ZNF521: variants seen among roughly 807,000 people sequenced by gnomAD.
ZNF521 encodes the protein LYST-interacting protein 3.
Under a neutral mutation model 105.5 loss-of-function variants are expected in ZNF521, and 14 were observed. The observed-to-expected ratio is 0.13, with a 90% CI of 0.09 to 0.21. The LOEUF (loss-of-function observed/expected upper bound fraction) is 0.21. ZNF521 is among the 10% of genes least tolerant of loss of function. ZNF521 has a pLI of 1.00. For missense variants in ZNF521, 1,233 were observed against 1,629.7 expected, an observed-to-expected ratio of 0.76 and a Z score of 4.19; for synonymous variants, 635 against 606.0, an observed-to-expected ratio of 1.05 and a Z score of -0.70.
intron 7 of ZNF521, among the ~76,000 whole-genome samples, chr18:25,078,507 C>T (rs149325095): frequency 6.6e-6 from 1 of 152,234 alleles, no homozygotes; most frequent in East Asian, 1.9e-4. Context: ...GCCAATTACA[C>T]GCGAGGCAGA....
At chr18:25,235,120 A>AC in intron 3 of ZNF521, among the ~76,000 whole-genome samples, 1 of 152,202 alleles carries the variant, frequency 6.6e-6, no homozygotes, top group Admixed American at 6.5e-5. Flanking sequence ...AGTGTTGTAA[A>AC]GTCCACACAA....
chr18:25,299,394 AG>A, intron 3 of ZNF521, among the ~76,000 whole-genome samples: 2 of 152,344 alleles, frequency 1.3e-5, no homozygotes, highest in Middle Eastern at 6.8e-3. Context: ...TAAGAAGATA[AG>A]TTAGGAAAAG....
rs149986207 is a variant in ZNF521, at chr18:25,233,451, C to T, written c.221-5754G>A. Among the ~76,000 whole-genome samples the T allele has an allele frequency of 2.0e-3, 300 of 152,068 alleles. 1 individual carries two copies. The highest frequency in any genetic ancestry group is 6.4e-3 in the African/African-American group (267 of 41,502). ...TGGGTGTTCAAATGAGAAATGTGAA[C>T]TTTAAAATTATTTATAATTCACAGA... On this transcript the variant is annotated intron_variant, in intron 3 of 7. Transcript: ENST00000361524.
intron 2 of ZNF521, among the ~76,000 whole-genome samples, chr18:25,342,605 T>C (rs977678588): frequency 6.7e-5 from 10 of 149,114 alleles, no homozygotes; most frequent in Non-Finnish European, 6.0e-5. Context: ...ATTTTTTGTA[T>C]TTTTAGTAGA....
intron 3 of ZNF521, among the ~76,000 whole-genome samples, chr18:25,316,316 A>C (rs1912612138): frequency 6.7e-6 from 1 of 148,266 alleles, no homozygotes; most frequent in African/African-American, 2.5e-5. Flanking sequence ...AAAAGGTAAA[A>C]CGAATTTAAA....
intron 5 of ZNF521, among the ~76,000 whole-genome samples, chr18:25,101,845 C>G (rs2033971051): frequency 6.6e-6 from 1 of 152,062 alleles, no homozygotes; most frequent in African/African-American, 2.4e-5. Flanking sequence ...TTCTGTAGCT[C>G]CAACAGCAAT....
chr18:25,311,032 T>C (rs1009242988), intron 3 of ZNF521, among the ~76,000 whole-genome samples: 3 of 152,130 alleles, frequency 2.0e-5, no homozygotes, highest in Non-Finnish European at 2.9e-5. Context: ...TGTGGAATAA[T>C]CACCTCTAAT....
chr18:25,324,789 G>T (rs2145155213), intron 2 of ZNF521, among the ~76,000 whole-genome samples: 1 of 152,248 alleles, frequency 6.6e-6, no homozygotes, highest in South Asian at 2.1e-4. Context: ...CAAGAATATG[G>T]ACACTTTCCA....
chr18:25,083,753 A>T (rs978900840), intron 7 of ZNF521, among the ~76,000 whole-genome samples: 7 of 78,596 alleles, frequency 8.9e-5, no homozygotes, highest in Admixed American at 6.7e-4. Flanking sequence ...ACATATATAT[A>T]TTTTGTTTGT....
At chr18:25,321,977 A>T (rs1912953483) in intron 3 of ZNF521, 31 bp downstream of exon 3, 2 of 1,601,136 alleles carry the variant, frequency 1.2e-6, no homozygotes, top group East Asian at 4.5e-5. Flanking sequence ...GAACAGTACA[A>T]GAAGACAAAA....
At chr18:25,215,371 A>G (rs1287547434) in intron 4 of ZNF521, among the ~76,000 whole-genome samples, 1 of 152,198 alleles carries the variant, frequency 6.6e-6, no homozygotes, top group Non-Finnish European at 1.5e-5. Context: ...CTACATCTAC[A>G]TCATGTGGTA....
intron 3 of ZNF521, among the ~76,000 whole-genome samples, chr18:25,312,667 C>T (rs1222042198): frequency 9.7e-6 from 1 of 102,932 alleles, no homozygotes. Context: ...AAAAATTAGC[C>T]GGGCGCGGTG....
chr18:25,210,040 T>A lies in ZNF521; in HGVS notation c.3573+14305A>T, dbSNP rs563408350. On this transcript the variant is annotated intron_variant, in intron 4 of 7. Transcript: ENST00000361524. ...CATTAGATGAAATAATTCTACATTA[T>A]AATAACAAATTGAAAAAATTATATA... 2.0e-5 allele frequency among the ~76,000 whole-genome samples: 3 copies of A among 152,288 alleles called. No individual in the cohort carries two copies. The East Asian group carries it at 5.8e-4, about 29-fold the overall frequency.
intron 4 of ZNF521, among the ~76,000 whole-genome samples, chr18:25,216,577 GAT>G (rs1207060868): frequency 1.3e-5 from 2 of 152,070 alleles, no homozygotes; most frequent in African/African-American, 4.8e-5. Context: ...TTTTTTCCTT[GAT>G]ACAGGGTCTC....
At chr18:25,339,399 C>G (rs1425994989) in intron 2 of ZNF521, among the ~76,000 whole-genome samples, 1 of 152,198 alleles carries the variant, frequency 6.6e-6, no homozygotes, top group East Asian at 1.9e-4. Context: ...GCGCTTCCTC[C>G]AGAATCCTTC....
intron 3 of ZNF521, among the ~76,000 whole-genome samples, chr18:25,266,488 T>G (rs1909259921): frequency 6.6e-6 from 1 of 151,830 alleles, no homozygotes; most frequent in South Asian, 2.1e-4. Context: ...AGGTCCGGTC[T>G]GCAGCTCCCA....
chr18:25,233,549 GGAA>G (rs1466755570), intron 3 of ZNF521, among the ~76,000 whole-genome samples: 1 of 152,158 alleles, frequency 6.6e-6, no homozygotes, highest in African/African-American at 2.4e-5. Context: ...TAGGTTATGA[GGAA>G]GAAGGGTGGT....
In ZNF521 at chr18:25,102,759, C is replaced by T. The variant is rs200301103; in HGVS notation, c.3659-10678G>A. Among the ~76,000 whole-genome samples, 89 of 152,124 alleles carry T rather than the reference C, an allele frequency of 5.9e-4. No individual in the cohort carries two copies. The East Asian group carries it at 0.014, about 24-fold the overall frequency. Reference sequence around the variant, plus strand: ...GGCCAGCACCAGAATTCAGGCTTCCCGAATCCAAGATTATACTGTCCCACC... The same window carrying T: ...GGCCAGCACCAGAATTCAGGCTTCCTGAATCCAAGATTATACTGTCCCACC... On this transcript the variant is annotated intron_variant, in intron 5 of 7. Transcript: ENST00000361524.
At chr18:25,290,182 T>C (rs1239811305) in intron 3 of ZNF521, among the ~76,000 whole-genome samples, 7 of 152,232 alleles carry the variant, frequency 4.6e-5, no homozygotes. Flanking sequence ...CTGCGGTTTA[T>C]AAGCATCCAG....
Sources: allele counts gnomAD v4.1 joint callset (sites outside exome capture counted in the v4.1 genomes callset), GRCh38; gene constraint gnomAD v4.1.1; transcripts MANE v1.5; gene names NCBI Gene and HGNC (gene_info 2026-07-23, HGNC 2026-07-21).